ENOX1: variants seen among roughly 807,000 people sequenced by gnomAD.
ENOX1 encodes ecto-NOX disulfide-thiol exchanger 1, also known as candidate growth-related and time keeping constitutive hydroquinone (NADH) oxidase.
ENOX1 carries 42 observed loss-of-function variants against 82.5 expected under a neutral mutation model. The observed-to-expected ratio is 0.51, with a 90% CI of 0.40 to 0.66. The LOEUF (loss-of-function observed/expected upper bound fraction) is 0.66. Among genes scored for constraint, ENOX1 ranks in the 30% least tolerant of loss-of-function variants. The probability of loss-of-function intolerance (pLI) is 0.00; values close to 1 mark genes in which losing one functional copy is unlikely to be tolerated. For missense variants in ENOX1, 608 were observed against 811.6 expected (o/e 0.75, Z 3.05); for synonymous variants, 271 against 282.2 (o/e 0.96, Z 0.40).
chr13:43,518,441 C>A (rs577465652), intron 2 of ENOX1, among the ~76,000 whole-genome samples: 1 of 151,954 alleles, frequency 6.6e-6, no homozygotes, highest in Non-Finnish European at 1.5e-5. Flanking sequence ...CTTTTCAGTG[C>A]CCCCCAGCAG....
intron 12 of ENOX1, among the ~76,000 whole-genome samples, chr13:43,289,537 G>C (rs1370212093): frequency 6.6e-6 from 1 of 152,110 alleles, no homozygotes; most frequent in African/African-American, 2.4e-5. Context: ...GATTGAAGCT[G>C]GACTCCTAAC....
chr13:43,298,276 G>A, intron 12 of ENOX1, 70 bp downstream of exon 12: 1 of 1,463,118 alleles, frequency 6.8e-7, no homozygotes, highest in Non-Finnish European at 9.1e-7. Flanking sequence ...GCACACGGCT[G>A]CCTTTCCATT....
At chr13:43,649,729 G>T (rs911396023) in intron 2 of ENOX1, among the ~76,000 whole-genome samples, 2 of 152,114 alleles carry the variant, frequency 1.3e-5, no homozygotes, top group African/African-American at 2.4e-5. Flanking sequence ...TGGTTCAGAG[G>T]GTTCTCACAA....
At chr13:43,601,512 C>T (rs112506952) in intron 2 of ENOX1, among the ~76,000 whole-genome samples, 2 of 151,684 alleles carry the variant, frequency 1.3e-5, no homozygotes, top group Non-Finnish European at 2.9e-5. Flanking sequence ...AAAAAAGAAT[C>T]GAAAAGAATG....
In ENOX1 at chr13:43,250,276, A is replaced by G. The variant is rs1403696107; in HGVS notation, c.1612-13538T>C. Among the ~76,000 whole-genome samples, 4 of 152,178 alleles carry G rather than the reference A, an allele frequency of 2.6e-5. No homozygotes were observed. The East Asian group carries it at 7.7e-4, about 29-fold the overall frequency. Reference sequence around the variant, plus strand: ...AAACTATAGCTTCTCCACTTGGTTCAAGCCCTTGATCCCACCCCAAGTCTG... The same window carrying G: ...AAACTATAGCTTCTCCACTTGGTTCGAGCCCTTGATCCCACCCCAAGTCTG... On this transcript the variant is annotated intron_variant, in intron 14 of 16. Transcript: ENST00000690772.
chr13:43,244,649 A>G (rs2042993607), intron 14 of ENOX1, among the ~76,000 whole-genome samples: 1 of 152,194 alleles, frequency 6.6e-6, no homozygotes, highest in South Asian at 2.1e-4. Flanking sequence ...CACCCTAAAT[A>G]GAGAAACCAC....
At chr13:43,509,198 G>C (rs1282459282) in intron 2 of ENOX1, among the ~76,000 whole-genome samples, 1 of 151,974 alleles carries the variant, frequency 6.6e-6, no homozygotes, top group Non-Finnish European at 1.5e-5. Flanking sequence ...AATAAAACTG[G>C]TTAAAATATT....
intron 2 of ENOX1, among the ~76,000 whole-genome samples, chr13:43,591,506 G>A (rs1186088683): frequency 1.3e-5 from 2 of 152,148 alleles, no homozygotes; most frequent in Non-Finnish European, 2.9e-5. Flanking sequence ...TTTGGTGGGA[G>A]AGAGATGAGG....
intron 3 of ENOX1, among the ~76,000 whole-genome samples, chr13:43,455,636 A>G (rs1433526531): frequency 6.6e-6 from 1 of 152,056 alleles, no homozygotes; most frequent in Non-Finnish European, 1.5e-5. Flanking sequence ...CGTCCGTCTG[A>G]TATGGTTGGC....
intron 3 of ENOX1, among the ~76,000 whole-genome samples, chr13:43,469,250 T>A (rs964713959): frequency 5.8e-4 from 88 of 152,182 alleles, no homozygotes; most frequent in Non-Finnish European, 1.6e-4. Context: ...TCTATTAATA[T>A]GGAGTTTATA....
chr13:43,253,475 G>A (rs1186032238), intron 14 of ENOX1, among the ~76,000 whole-genome samples: 5 of 152,174 alleles, frequency 3.3e-5, no homozygotes, highest in Admixed American at 1.3e-4. Context: ...TGGGAGAGCT[G>A]GAGAGTACCA....
chr13:43,393,539 C>T (rs975748217), intron 5 of ENOX1, among the ~76,000 whole-genome samples: 2 of 152,024 alleles, frequency 1.3e-5, no homozygotes, highest in African/African-American at 4.8e-5. Context: ...TTAGGCAGAA[C>T]ATACAGATTA....
intron 1 of ENOX1, among the ~76,000 whole-genome samples, chr13:43,718,351 G>A: frequency 6.6e-6 from 1 of 151,960 alleles, no homozygotes; most frequent in South Asian, 2.1e-4. Flanking sequence ...ATAAATATGG[G>A]AACAACAGAC....
chr13:43,360,585 T>G (rs771724812), intron 6 of ENOX1, among the ~76,000 whole-genome samples: 1 of 152,082 alleles, frequency 6.6e-6, no homozygotes, highest in Non-Finnish European at 1.5e-5. Flanking sequence ...TATTAAATTT[T>G]GGGAAGGCTG....
intron 2 of ENOX1, among the ~76,000 whole-genome samples, chr13:43,578,986 G>C (rs1056256124): frequency 1.3e-5 from 2 of 151,854 alleles, no homozygotes; most frequent in Admixed American, 1.3e-4. Context: ...TTCCTAGATA[G>C]GAATTCTTGT....
chr13:43,526,658 T>C (rs2153685763), intron 2 of ENOX1, among the ~76,000 whole-genome samples: 1 of 152,278 alleles, frequency 6.6e-6, no homozygotes, highest in Non-Finnish European at 1.5e-5. Context: ...AACTGAAAGA[T>C]ACCACAGTTG....
chr13:43,708,823 G>A (rs1161762818), intron 1 of ENOX1, among the ~76,000 whole-genome samples: 1 of 152,056 alleles, frequency 6.6e-6, no homozygotes, highest in Non-Finnish European at 1.5e-5. Flanking sequence ...ACATTAGGAT[G>A]GTAAAGATCT....
intron 2 of ENOX1, among the ~76,000 whole-genome samples, chr13:43,534,455 T>C (rs894661970): frequency 6.6e-6 from 1 of 151,976 alleles, no homozygotes; most frequent in Non-Finnish European, 1.5e-5. Context: ...CTCTCACTCC[T>C]ATGAAAAAAG....
chr13:43,760,872 A>AAC, intron 1 of ENOX1, among the ~76,000 whole-genome samples: 1 of 151,708 alleles, frequency 6.6e-6, no homozygotes, highest in South Asian at 2.1e-4. Context: ...AAAAAAAAAA[A>AAC]AAAACAAGCA....
Sources: gnomAD v4.1 joint callset for allele counts (sites outside exome capture counted in the v4.1 genomes callset) on GRCh38, gnomAD v4.1.1 for gene constraint, MANE v1.5 for transcripts, NCBI Gene and HGNC (gene_info 2026-07-23, HGNC 2026-07-21) for gene names.